The following SNTG2 variants were observed in gnomAD, a reference collection of about 807,000 sequenced individuals.
The protein encoded by SNTG2 is syntrophin gamma 2.
In SNTG2, 74 loss-of-function variants were observed where a neutral mutation model predicts 70.9. The observed-to-expected ratio is 1.04, with a 90% CI of 0.86 to 1.27. The LOEUF (loss-of-function observed/expected upper bound fraction) is 1.27. Among genes scored for constraint, SNTG2 ranks in the 50% most tolerant of loss-of-function variants. The pLI, the probability that SNTG2 is intolerant of heterozygous loss-of-function variation, is 0.00. For missense variants in SNTG2, 717 were observed against 690.7 expected (o/e 1.04, Z -0.43); for synonymous variants, 278 against 273.8 (o/e 1.02, Z -0.15).
chr2:1,142,350 G>A (rs1668811738), intron 6 of SNTG2, among the ~76,000 whole-genome samples: 1 of 152,158 alleles, frequency 6.6e-6, no homozygotes, highest in Non-Finnish European at 1.5e-5. Flanking sequence ...CTGCTGCCTG[G>A]GCTCTGCCAT....
intron 1 of SNTG2, among the ~76,000 whole-genome samples, chr2:1,064,252 C>A (rs1211447472): frequency 6.6e-6 from 1 of 151,914 alleles, no homozygotes; most frequent in African/African-American, 2.4e-5. Flanking sequence ...AAAGATTAAA[C>A]CCTTAAACAG....
chr2:1,144,599 G>C (rs28673093), intron 6 of SNTG2, among the ~76,000 whole-genome samples: 87,401 of 152,064 alleles, frequency 0.57, 26,307 homozygotes, highest in Non-Finnish European at 0.65. Flanking sequence ...TACGTGGCTG[G>C]GGAGGCCTCA....
At chr2:1,014,839 T>A (rs1365910832) in intron 1 of SNTG2, among the ~76,000 whole-genome samples, 1 of 152,042 alleles carries the variant, frequency 6.6e-6, no homozygotes, top group East Asian at 1.9e-4. Flanking sequence ...TTTGCCTCGC[T>A]GGCTGCATCA....
At chr2:1,239,812 A>G (rs765862727) in intron 11 of SNTG2, 36 bp downstream of exon 11, 2 of 1,605,678 alleles carry the variant, frequency 1.2e-6, no homozygotes, top group African/African-American at 2.7e-5. Flanking sequence ...GATGTAACAC[A>G]TCAGGTAGGG....
intron 1 of SNTG2, among the ~76,000 whole-genome samples, chr2:1,042,764 C>G (rs1437499270): frequency 6.6e-6 from 1 of 152,126 alleles, no homozygotes; most frequent in Non-Finnish European, 1.5e-5. Flanking sequence ...TTTATCTGCT[C>G]CACTGTTGAT....
chr2:1,088,047 TAG>T (rs1227505362), intron 2 of SNTG2, among the ~76,000 whole-genome samples: 1 of 152,176 alleles, frequency 6.6e-6, no homozygotes, highest in Non-Finnish European at 1.5e-5. Context: ...AAATCAGGAG[TAG>T]ACATCGCTTC....
chr2:977,394 T>C (rs2147963075), intron 1 of SNTG2, among the ~76,000 whole-genome samples: 1 of 152,282 alleles, frequency 6.6e-6, no homozygotes, highest in Admixed American at 6.5e-5. Context: ...GCCCACGGCC[T>C]GCTTTGAGTC....
Position 1,259,445 on chromosome 2 carries a change from G to A in SNTG2, c.1077+4G>A. 1 of 1,612,740 alleles carries A rather than the reference G, an allele frequency of 6.2e-7. No individual in the cohort carries two copies. The highest frequency in any genetic ancestry group is 8.5e-7 in the Non-Finnish European group (1 of 1,178,838). On this transcript the variant is annotated splice_donor_region_variant and intron_variant, in intron 13 of 16. Transcript: ENST00000308624. ...GGTGCTATTTAAAGTTCACAAGGTA[G>A]GTATCTTTTGCACTTCAGATGCTTT...
At chr2:1,233,733 CTTTCT>C (rs2148086190) in intron 9 of SNTG2, among the ~76,000 whole-genome samples, 1 of 152,332 alleles carries the variant, frequency 6.6e-6, no homozygotes. Flanking sequence ...AATTGATTCA[CTTTCT>C]AGAGTATAAG....
intron 8 of SNTG2, among the ~76,000 whole-genome samples, chr2:1,187,829 A>T (rs1203169171): frequency 1.3e-5 from 2 of 152,240 alleles, no homozygotes; most frequent in Non-Finnish European, 2.9e-5. Context: ...GGAAAGAAAA[A>T]TAACTGTTGA....
At chr2:1,008,433 G>C (rs776520879) in intron 1 of SNTG2, among the ~76,000 whole-genome samples, 1 of 151,672 alleles carries the variant, frequency 6.6e-6, no homozygotes, top group Non-Finnish European at 1.5e-5. Context: ...TTTGAGATGC[G>C]CAAAAAAGGG....
chr2:1,076,142 A>C (rs1663901493), intron 1 of SNTG2, among the ~76,000 whole-genome samples: 1 of 152,204 alleles, frequency 6.6e-6, no homozygotes. Flanking sequence ...ATACAGATGT[A>C]TTTCCATACA....
chr2:1,342,290 C>T (rs1266168953), intron 16 of SNTG2, among the ~76,000 whole-genome samples: 2 of 109,660 alleles, frequency 1.8e-5, no homozygotes, highest in African/African-American at 4.3e-5. Context: ...TGTAGGACAG[C>T]AGCAGCTTCC....
chr2:1,132,063 G>A lies in SNTG2; in HGVS notation c.326-5559G>A, dbSNP rs186935432. 1.6e-3 allele frequency among the ~76,000 whole-genome samples: 240 copies of A among 152,098 alleles called. 2 individuals carry two copies. Among genetic ancestry groups the A allele is most frequent in the African/African-American group, 5.7e-3 (235 of 41,482 alleles). ...AACTATCAAATACACATTCTCATAT[G>A]GATTTTAATATAGTCTCTGCTACAT... On this transcript the variant is annotated intron_variant, in intron 4 of 16. Transcript: ENST00000308624.
At position 966,308 on chromosome 2, in the gene SNTG2, T is replaced by G. The variant is rs1391639121; in HGVS notation, c.72+15240T>G. On this transcript the variant is annotated intron_variant, in intron 1 of 16. Transcript: ENST00000308624. ...ATTAAGAGTACTTATTTTACATTTT[T>G]TTTTACTTAAAAATTTAAATATCTG... is the stretch of plus-strand genomic sequence containing the variant. 2.0e-5 allele frequency among the ~76,000 whole-genome samples: 3 copies of G among 152,390 alleles called. No individual in the cohort carries two copies. The South Asian group carries it at 6.2e-4, about 32-fold the overall frequency.
chr2:1,084,026 G>A (rs1438550391), intron 2 of SNTG2, among the ~76,000 whole-genome samples: 1 of 151,698 alleles, frequency 6.6e-6, no homozygotes, highest in Non-Finnish European at 1.5e-5. Context: ...GGGCAATAGA[G>A]CGAGGCTCCA....
intron 14 of SNTG2, among the ~76,000 whole-genome samples, chr2:1,291,860 A>G (rs148079297): frequency 1.6e-3 from 236 of 152,238 alleles, no homozygotes; most frequent in African/African-American, 5.2e-3. Flanking sequence ...GGATTTTTCT[A>G]TTTCTGGAAA....
At chr2:1,084,218 C>T (rs1664532697) in intron 2 of SNTG2, among the ~76,000 whole-genome samples, 1 of 152,164 alleles carries the variant, frequency 6.6e-6, no homozygotes, top group African/African-American at 2.4e-5. Context: ...TTTTCTGAGT[C>T]CTCCTGTCCT....
chr2:1,240,000 T>C (rs1676945214), intron 11 of SNTG2, among the ~76,000 whole-genome samples: 1 of 152,214 alleles, frequency 6.6e-6, no homozygotes. Context: ...CATAGGTCAT[T>C]CTGATCTCCT....
Sources: gnomAD v4.1 joint callset for allele counts (sites outside exome capture counted in the v4.1 genomes callset) on GRCh38, gnomAD v4.1.1 for gene constraint, MANE v1.5 for transcripts, NCBI Gene and HGNC (gene_info 2026-07-23, HGNC 2026-07-21) for gene names.